Variants in DMD observed in about 807,000 individuals in gnomAD.
DMD encodes the protein mutant dystrophin.
In DMD, 63 loss-of-function variants were observed where a neutral mutation model predicts 330.1. The observed-to-expected ratio is 0.19, with a 90% CI of 0.16 to 0.24. The LOEUF (loss-of-function observed/expected upper bound fraction) is 0.24, where lower values mean the gene tolerates loss of function less well. Ranked by LOEUF, DMD falls within the 10% of genes least tolerant of loss-of-function variation. The pLI is 1.00. For missense variants in DMD, 3,344 were observed against 2,684.1 expected, an observed-to-expected ratio of 1.25 and a Z score of -5.43; for synonymous variants, 1,223 against 959.8, an observed-to-expected ratio of 1.27 and a Z score of -5.07.
intron 49 of DMD, among the ~76,000 whole-genome samples, chrX:31,832,565 T>A (rs2093075497): frequency 8.9e-6 from 1 of 112,282 alleles, no homozygotes; most frequent in South Asian, 3.7e-4. Flanking sequence ...TCTACAGCAA[T>A]TATTTTGTGT....
chrX:32,917,277 T>G (rs1470661986), intron 2 of DMD, among the ~76,000 whole-genome samples: 1 of 107,985 alleles, frequency 9.3e-6, no homozygotes, highest in Non-Finnish European at 1.9e-5. Flanking sequence ...GAACTTTGAG[T>G]CAATTAAACC....
chrX:33,223,505 C>T (rs1024346640), intron 1 of DMD, among the ~76,000 whole-genome samples: 8 of 112,058 alleles, frequency 7.1e-5, no homozygotes, highest in East Asian at 2.8e-4. Context: ...TGTTTGATAA[C>T]GGAGCAAAGA....
chrX:33,227,976 G>C (rs1336999816), intron 1 of DMD, among the ~76,000 whole-genome samples: 1 of 110,734 alleles, frequency 9.0e-6, no homozygotes, highest in Non-Finnish European at 1.9e-5. Context: ...GATAAAAAAA[G>C]TTTTATATTG....
intron 19 of DMD, 38 bp from the exon 20 acceptor site, chrX:32,491,556 CCA>C (rs776946349): frequency 1.3e-4 from 153 of 1,168,982 alleles, no homozygotes; most frequent in Non-Finnish European, 1.7e-4. Flanking sequence ...TCCCCTGAAC[CCA>C]CAGACTGAAA....
chrX:32,069,593 A>T (rs183691456), intron 44 of DMD, among the ~76,000 whole-genome samples: 1 of 111,830 alleles, frequency 8.9e-6, no homozygotes, highest in East Asian at 2.8e-4. Context: ...TTTTCATTTG[A>T]AGCAGTAAAA....
intron 12 of DMD, among the ~76,000 whole-genome samples, chrX:32,613,178 A>T (rs2057304235): frequency 9.0e-6 from 1 of 111,307 alleles, no homozygotes; most frequent in Non-Finnish European, 1.9e-5. Context: ...TGGGACACAC[A>T]CTAAGAAAAT....
intron 2 of DMD, among the ~76,000 whole-genome samples, chrX:32,971,870 TCA>T (rs1334345999): frequency 4.9e-4 from 54 of 111,032 alleles, no homozygotes; most frequent in Non-Finnish European, 1.9e-5. Context: ...TACCTAAAAT[TCA>T]CAGAGGTTTG....
chrX:31,984,123 G>T (rs1405479250), intron 44 of DMD, among the ~76,000 whole-genome samples: 1 of 111,976 alleles, frequency 8.9e-6, no homozygotes, highest in Non-Finnish European at 1.9e-5. Context: ...GATGTTTTTG[G>T]TAGAAAAAAG....
intron 55 of DMD, among the ~76,000 whole-genome samples, chrX:31,569,152 C>T (rs1357045473): frequency 9.9e-6 from 1 of 101,090 alleles, no homozygotes; most frequent in African/African-American, 3.8e-5. Flanking sequence ...TATTATTTTA[C>T]TCTCATTTTT....
At chrX:31,518,710 G>A (rs958949975) in intron 55 of DMD, among the ~76,000 whole-genome samples, 6 of 110,696 alleles carry the variant, frequency 5.4e-5, no homozygotes, top group Middle Eastern at 4.2e-3. Context: ...AATACTTACA[G>A]CCCTTATAAA....
intron 1 of DMD, among the ~76,000 whole-genome samples, chrX:33,315,894 G>A (rs2148951765): frequency 9.1e-6 from 1 of 109,911 alleles, no homozygotes; most frequent in South Asian, 3.8e-4. Context: ...TATTTGACCA[G>A]AGGACTAGTT....
At chrX:32,994,896 T>A (rs2093074915) in intron 2 of DMD, among the ~76,000 whole-genome samples, 1 of 112,368 alleles carries the variant, frequency 8.9e-6, no homozygotes, top group African/African-American at 3.2e-5. Context: ...GTAGATCACC[T>A]GAGCTATGGA....
intron 44 of DMD, among the ~76,000 whole-genome samples, chrX:32,017,137 A>G (rs2095767887): frequency 8.9e-6 from 1 of 111,867 alleles, no homozygotes; most frequent in Admixed American, 9.5e-5. Flanking sequence ...TTCTTCTCAG[A>G]TATGTCTGGA....
At chrX:31,822,653 G>GGGGTGTGTGTGT (rs58903799) in intron 49 of DMD, among the ~76,000 whole-genome samples, 41 of 65,808 alleles carry the variant, frequency 6.2e-4, no homozygotes, top group Non-Finnish European at 9.5e-4. Flanking sequence ...AAGGCAGAGG[G>GGGGTGTGTGTGT]GTGTGTGTGT....
intron 62 of DMD, among the ~76,000 whole-genome samples, chrX:31,322,797 C>G (rs2056516192): frequency 8.9e-6 from 1 of 112,217 alleles, no homozygotes; most frequent in Non-Finnish European, 1.9e-5. Flanking sequence ...ATGGCAGAAG[C>G]AAGTTCAAAG....
chrX:32,802,867 G>A (rs949333930), intron 7 of DMD, among the ~76,000 whole-genome samples: 5 of 111,546 alleles, frequency 4.5e-5, no homozygotes, highest in African/African-American at 1.6e-4. Flanking sequence ...TGCTGGATTC[G>A]GTTTGCCAGT....
intron 1 of DMD, among the ~76,000 whole-genome samples, chrX:33,301,474 C>T (rs1010307185): frequency 5.4e-5 from 6 of 111,654 alleles, no homozygotes; most frequent in Admixed American, 4.8e-4. Context: ...CATTCCAATT[C>T]GATTTTACAA....
intron 60 of DMD, among the ~76,000 whole-genome samples, chrX:31,411,064 C>A (rs971860897): frequency 6.3e-5 from 7 of 110,396 alleles, no homozygotes; most frequent in Admixed American, 1.9e-4. Flanking sequence ...CTGCACCCAA[C>A]CCCGATAACT....
At chrX:32,693,999 CCTA>C (rs1377085844) in intron 9 of DMD, among the ~76,000 whole-genome samples, 21 of 111,905 alleles carry the variant, frequency 1.9e-4, no homozygotes, top group African/African-American at 6.8e-4. Context: ...GACATCGTAC[CCTA>C]CTGTTTTCCT....
Sources: allele counts gnomAD v4.1 joint callset (sites outside exome capture counted in the v4.1 genomes callset), GRCh38; gene constraint gnomAD v4.1.1; transcripts MANE v1.5; gene names NCBI Gene and HGNC (gene_info 2026-07-23, HGNC 2026-07-21).